Variants in CDH13 observed in about 807,000 individuals in gnomAD.
CDH13 encodes cadherin-13.
CDH13 carries 24 observed loss-of-function variants against 63.8 expected under a neutral mutation model. The observed-to-expected ratio is 0.38, with a 90% CI of 0.27 to 0.53. The LOEUF is 0.53. Among genes scored for constraint, CDH13 ranks in the 20% least tolerant of loss-of-function variants. The pLI is 0.85. For missense variants in CDH13, 1,049 were observed against 903.1 expected (o/e 1.16, Z -2.07); for synonymous variants, 503 against 355.3 (o/e 1.42, Z -4.67).
At chr16:83,404,790 T>C (rs2092017635) in intron 6 of CDH13, among the ~76,000 whole-genome samples, 1 of 152,216 alleles carries the variant, frequency 6.6e-6, no homozygotes, top group African/African-American at 2.4e-5. Flanking sequence ...AAGTGGAAGC[T>C]TTCTGTGCAG....
At chr16:82,654,680 G>A (rs1392230692) in intron 1 of CDH13, among the ~76,000 whole-genome samples, 1 of 152,056 alleles carries the variant, frequency 6.6e-6, no homozygotes, top group Non-Finnish European at 1.5e-5. Flanking sequence ...GGATGGGGCC[G>A]TGGGCAAAGA....
intron 4 of CDH13, among the ~76,000 whole-genome samples, chr16:83,212,158 C>A (rs1320316920): frequency 6.6e-6 from 1 of 152,116 alleles, no homozygotes; most frequent in Non-Finnish European, 1.5e-5. Flanking sequence ...AGGAGTTGAG[C>A]ACAGCATAAT....
At chr16:82,916,585 A>C (rs2041999155) in intron 2 of CDH13, among the ~76,000 whole-genome samples, 1 of 152,056 alleles carries the variant, frequency 6.6e-6, no homozygotes, top group Admixed American at 6.6e-5. Context: ...AAAAAAAAAT[A>C]AATAAATAAA....
chr16:83,132,628 T>C (rs1009646511), intron 4 of CDH13, among the ~76,000 whole-genome samples: 6 of 151,894 alleles, frequency 4.0e-5, no homozygotes, highest in African/African-American at 9.7e-5. Flanking sequence ...ATTTTTTTAG[T>C]AGAGACAGGG....
At chr16:82,759,350 C>G (rs1248513393) in intron 1 of CDH13, among the ~76,000 whole-genome samples, 2 of 152,126 alleles carry the variant, frequency 1.3e-5, no homozygotes, top group Admixed American at 1.3e-4. Flanking sequence ...ATTATTCAAA[C>G]TGAGACAATA....
At chr16:83,744,907 C>T (rs768823341) in intron 10 of CDH13, among the ~76,000 whole-genome samples, 5 of 152,170 alleles carry the variant, frequency 3.3e-5, no homozygotes, top group Non-Finnish European at 5.9e-5. Flanking sequence ...GCAATGTGAA[C>T]GGCTGGGGGG....
At chr16:83,716,415 C>T (rs892170107) in intron 10 of CDH13, among the ~76,000 whole-genome samples, 1 of 152,164 alleles carries the variant, frequency 6.6e-6, no homozygotes, top group Non-Finnish European at 1.5e-5. Flanking sequence ...CCCGTGTGCT[C>T]CACCCGTACA....
At chr16:83,116,335 G>T (rs1305620595) in intron 3 of CDH13, among the ~76,000 whole-genome samples, 1 of 152,174 alleles carries the variant, frequency 6.6e-6, no homozygotes, top group Non-Finnish European at 1.5e-5. Context: ...CGGGGAAGGA[G>T]GCTGATGGAG....
At chr16:83,078,707 C>G (rs530926230) in intron 3 of CDH13, among the ~76,000 whole-genome samples, 3 of 152,324 alleles carry the variant, frequency 2.0e-5, no homozygotes, top group East Asian at 3.9e-4. Context: ...TCTTATCAGG[C>G]TGAAAGCCAG....
intron 1 of CDH13, chr16:82,825,756 A>G (rs904758345): frequency 3.9e-5 from 6 of 152,170 alleles, no homozygotes; most frequent in African/African-American, 1.4e-4. Flanking sequence ...CATGTTGGCC[A>G]GGATGGTCTC....
At position 83,751,056 on chromosome 16, in the gene CDH13, G is replaced by A. The variant is rs1217999631; in HGVS notation, c.1681+2806G>A. 4.6e-5 allele frequency among the ~76,000 whole-genome samples: 7 copies of A among 152,130 alleles called. No individual in the cohort carries two copies. In the South Asian group the frequency reaches 1.4e-3, roughly 31 times the overall value. ...GGGAAGTTGGTCAGCATTAGTGGAA[G>A]CTAGCATGGCAGGTTCTTTGTGTGC... On this transcript the variant is annotated intron_variant, in intron 11 of 13. Transcript: ENST00000567109.
intron 6 of CDH13, among the ~76,000 whole-genome samples, chr16:83,476,176 C>G (rs918726488): frequency 3.9e-5 from 6 of 152,142 alleles, no homozygotes; most frequent in African/African-American, 1.4e-4. Context: ...AAGCATTATT[C>G]TGGTGCCTTT....
intron 11 of CDH13, among the ~76,000 whole-genome samples, chr16:83,755,488 AAC>A (rs953235800): frequency 6.6e-6 from 1 of 151,750 alleles, no homozygotes; most frequent in African/African-American, 2.4e-5. Flanking sequence ...TTTGAAGAAA[AAC>A]ACACCTCAAA....
chr16:83,412,822 C>T (rs1030772392), intron 6 of CDH13, among the ~76,000 whole-genome samples: 1 of 152,198 alleles, frequency 6.6e-6, no homozygotes, highest in African/African-American at 2.4e-5. Flanking sequence ...ATCTTTGAAC[C>T]CAGGGCAAGA....
chr16:83,390,435 T>A (rs12924439), intron 6 of CDH13, among the ~76,000 whole-genome samples: 39,370 of 148,786 alleles, frequency 0.26, 6,201 homozygotes, highest in East Asian at 0.4. Flanking sequence ...GGACACAGTA[T>A]CCCATTTCTA....
chr16:82,905,886 C>T (rs1240065881), intron 2 of CDH13, among the ~76,000 whole-genome samples: 2 of 152,130 alleles, frequency 1.3e-5, no homozygotes, highest in Admixed American at 6.5e-5. Context: ...CAGCATTGTA[C>T]AGTGTGGCAA....
intron 8 of CDH13, among the ~76,000 whole-genome samples, chr16:83,643,649 A>G (rs1419478793): frequency 6.6e-6 from 1 of 152,086 alleles, no homozygotes; most frequent in Non-Finnish European, 1.5e-5. Flanking sequence ...CTTGGTGGCA[A>G]TAAAGGGCAG....
chr16:82,921,175 C>G (rs1199183800), intron 2 of CDH13, among the ~76,000 whole-genome samples: 1 of 152,058 alleles, frequency 6.6e-6, no homozygotes, highest in African/African-American at 2.4e-5. Flanking sequence ...AATTTGGTGG[C>G]TTAAAACAAG....
chr16:83,339,946 A>T (rs963494796), intron 5 of CDH13, among the ~76,000 whole-genome samples: 2 of 152,188 alleles, frequency 1.3e-5, no homozygotes, highest in African/African-American at 4.8e-5. Context: ...GGGATATTTC[A>T]TCTCAATGGA....
Sources: gnomAD v4.1 joint callset for allele counts (sites outside exome capture counted in the v4.1 genomes callset) on GRCh38, gnomAD v4.1.1 for gene constraint, MANE v1.5 for transcripts, NCBI Gene and HGNC (gene_info 2026-07-23, HGNC 2026-07-21) for gene names.